The following RPTOR variants were observed in gnomAD, a reference collection of about 807,000 sequenced individuals.
The protein encoded by RPTOR is regulatory-associated protein of mTOR.
In RPTOR, 21 loss-of-function variants were observed where a neutral mutation model predicts 169.9. The ratio of observed to expected loss-of-function variants is 0.12; its 90% CI spans 0.09 to 0.18. The LOEUF is 0.18. RPTOR is among the 10% of genes least tolerant of loss of function. RPTOR has a pLI of 1.00. For missense variants in RPTOR, 1,133 were observed against 1,855.9 expected, an observed-to-expected ratio of 0.61 and a Z score of 7.16; for synonymous variants, 732 against 753.2, an observed-to-expected ratio of 0.97 and a Z score of 0.46.
Position 80,857,844 on chromosome 17 carries a change from C to T in RPTOR, c.1453C>T (p.Arg485Ter). The part of the protein sequence containing the change: ...YVLKLLQSSA[R>*]ELRPLLVFIW... Reference sequence around the variant, plus strand: ...GCTGAAGCTGCTCCAGAGCTCGGCCCGAGAGCTGCGGCCACTTCTCGTTTT... The same window carrying T: ...GCTGAAGCTGCTCCAGAGCTCGGCCTGAGAGCTGCGGCCACTTCTCGTTTT... The change falls in exon 13 of 34, where the codon CGA becomes TGA. Residue 485 changes from arginine to a stop codon, truncating the protein, a stop_gained. Transcript: ENST00000306801. LOFTEE classifies it high-confidence loss of function. 1.9e-6 allele frequency: 3 copies of T among 1,613,162 alleles called. No homozygotes were observed. Among genetic ancestry groups the T allele is most frequent in the Non-Finnish European group, 2.5e-6 (3 of 1,179,956 alleles).
At chr17:80,741,782 C>A (rs1008302902) in intron 5 of RPTOR, among the ~76,000 whole-genome samples, 7 of 152,276 alleles carry the variant, frequency 4.6e-5, no homozygotes, top group African/African-American at 1.7e-4. Context: ...TGGTGACGAG[C>A]CCCCATGTGG....
At chr17:80,556,074 C>CA (rs1292418050) in intron 1 of RPTOR, among the ~76,000 whole-genome samples, 2 of 149,510 alleles carry the variant, frequency 1.3e-5, no homozygotes, top group African/African-American at 4.9e-5. Flanking sequence ...TCCCGAGACT[C>CA]ACATGAGACA....
chr17:80,673,546 A>G lies in RPTOR; in HGVS notation c.348+29736A>G, dbSNP rs368751769. Reference sequence around the variant, plus strand: ...TTGGCCTCCAGAAAGCCAACAAGCAAAATGCCTTGAGCATCTCAAAGAGCG... The same window carrying G: ...TTGGCCTCCAGAAAGCCAACAAGCAGAATGCCTTGAGCATCTCAAAGAGCG... On this transcript the variant is annotated intron_variant, in intron 3 of 33. Coordinates refer to ENST00000306801, the MANE Select transcript of RPTOR (RefSeq NM_020761.3). Among the ~76,000 whole-genome samples, 4 of 152,350 alleles carry G rather than the reference A, an allele frequency of 2.6e-5. No individual in the cohort carries two copies. In the East Asian group the frequency reaches 5.8e-4, roughly 22 times the overall value.
chr17:80,602,859 C>T (rs1246481891), intron 1 of RPTOR: 8 of 530,072 alleles, frequency 1.5e-5, no homozygotes, highest in Non-Finnish European at 2.1e-5. Flanking sequence ...GGTGTCTTCT[C>T]GGGTCACCAC....
chr17:80,918,975 G>C (rs1048914716), intron 21 of RPTOR, among the ~76,000 whole-genome samples: 25 of 152,184 alleles, frequency 1.6e-4, no homozygotes, highest in African/African-American at 6.0e-4. Context: ...AGAACCTCCC[G>C]AGCCTTCCCA....
intron 3 of RPTOR, among the ~76,000 whole-genome samples, chr17:80,649,523 A>G (rs2065623149): frequency 6.6e-6 from 1 of 152,080 alleles, no homozygotes; most frequent in Non-Finnish European, 1.5e-5. Context: ...GTGAGGACTC[A>G]TGGGCAAAGG....
At chr17:80,810,048 A>AAAATAAAT (rs56853505) in intron 7 of RPTOR, among the ~76,000 whole-genome samples, 3,184 of 144,118 alleles carry the variant, frequency 0.022, 37 homozygotes, top group East Asian at 0.047. Flanking sequence ...ACTCCATCTC[A>AAAATAAAT]AAATAAATAA....
intron 6 of RPTOR, among the ~76,000 whole-genome samples, chr17:80,787,824 T>C (rs2067009016): frequency 6.6e-6 from 1 of 152,250 alleles, no homozygotes; most frequent in Non-Finnish European, 1.5e-5. Context: ...TTGAGATGTC[T>C]GTTCATCCAT....
chr17:80,938,067 C>A (rs2068976365), intron 24 of RPTOR, among the ~76,000 whole-genome samples: 1 of 152,266 alleles, frequency 6.6e-6, no homozygotes, highest in Non-Finnish European at 1.5e-5. Flanking sequence ...CGGCCCCTAC[C>A]CCTACAGGCA....
chr17:80,667,768 C>T (rs967843803), intron 3 of RPTOR, among the ~76,000 whole-genome samples: 8 of 152,274 alleles, frequency 5.3e-5, no homozygotes, highest in African/African-American at 1.7e-4. Context: ...TGGACTTAAG[C>T]CTGCAGAGGT....
Position 80,945,723 on chromosome 17 carries a change from G to A in RPTOR, c.3082G>A (p.Val1028Met). 3 of 1,611,966 alleles carry A rather than the reference G, an allele frequency of 1.9e-6. No individual in the cohort carries two copies. Residue 1028 changes from valine (V) to methionine (M), a missense_variant, in exon 26 of 34, where the codon GTG (valine) becomes ATG (methionine). Physicochemically the swap from Val to Met is conservative, Grantham distance 21 (BLOSUM62 1). Transcript: ENST00000306801. ...GAACAGGAACCCCGGCGTCCCCTCT[G>A]TGGTGAAATTCCACCCCTTCACGCC... ...FLNRNPGVPS[V>M]VKFHPFTPCI...
chr17:80,776,160 C>G (rs950978578), intron 6 of RPTOR, among the ~76,000 whole-genome samples: 1 of 152,086 alleles, frequency 6.6e-6, no homozygotes, highest in East Asian at 1.9e-4. Flanking sequence ...GATTGTGCCA[C>G]TGTACTCTAG....
intron 9 of RPTOR, among the ~76,000 whole-genome samples, chr17:80,837,495 G>A (rs1008515395): frequency 6.6e-6 from 1 of 152,184 alleles, no homozygotes. Flanking sequence ...TGTCTCTCCC[G>A]CGTCCCTCCA....
In RPTOR at chr17:80,880,507, C is replaced by G. The variant is rs182884901; in HGVS notation, c.1584+18C>G. 13 of 1,612,130 alleles carry G rather than the reference C, an allele frequency of 8.1e-6. No homozygotes were observed. The highest frequency in any genetic ancestry group is 1.0e-5 in the Non-Finnish European group (12 of 1,178,882). On this transcript the variant is annotated intron_variant, in intron 14 of 33. Coordinates refer to ENST00000306801, the MANE Select transcript of RPTOR (RefSeq NM_020761.3). ...ACATGCCAGTAAGGACGGGGCAGCACGCTCTCCACGGGCTTGGGACTCAGC... is the reference window on the plus strand; with the variant it reads ...ACATGCCAGTAAGGACGGGGCAGCAGGCTCTCCACGGGCTTGGGACTCAGC...
chr17:80,912,655 C>T (rs1027467998), intron 21 of RPTOR, among the ~76,000 whole-genome samples: 3 of 152,166 alleles, frequency 2.0e-5, no homozygotes, highest in East Asian at 3.8e-4. Flanking sequence ...CACAGCCCAG[C>T]GCCCTTTTGG....
chr17:80,873,734 C>G (rs2068075868), intron 13 of RPTOR, among the ~76,000 whole-genome samples: 1 of 152,214 alleles, frequency 6.6e-6, no homozygotes, highest in Non-Finnish European at 1.5e-5. Flanking sequence ...TTTCTTTGTG[C>G]AGAGATGTTT....
At chr17:80,874,765 C>T (rs566087151) in intron 13 of RPTOR, among the ~76,000 whole-genome samples, 297 of 152,322 alleles carry the variant, frequency 1.9e-3, no homozygotes, top group Non-Finnish European at 1.9e-3. Context: ...GCACAGCCCT[C>T]CATCTGCCTG....
intron 1 of RPTOR, among the ~76,000 whole-genome samples, chr17:80,552,061 A>G (rs2084352760): frequency 6.6e-6 from 1 of 152,242 alleles, no homozygotes; most frequent in Non-Finnish European, 1.5e-5. Flanking sequence ...GTCATAGATT[A>G]ACAGAATCTC....
Position 80,840,462 on chromosome 17 carries a change from G to A in RPTOR, c.1212+2465G>A, listed in dbSNP as rs373423664. On this transcript the variant is annotated intron_variant, in intron 10 of 33. Transcript: ENST00000306801. ...CACGGCAGCTCACTCTCTTTGCACC[G>A]CAGCTCACGCTCACCGCACGGCAGC... 3.1e-3 allele frequency among the ~76,000 whole-genome samples: 409 copies of A among 133,578 alleles called. 1 individual carries two copies. Among genetic ancestry groups the A allele is most frequent in the Non-Finnish European group, 5.1e-3 (331 of 65,040 alleles). 87.6% of individuals were successfully genotyped at this position (133,578 alleles called of 152,430 possible). A position where few individuals can be genotyped will look rare whatever the true frequency, so the allele number is the denominator to read the frequency against.
Sources: gnomAD v4.1 joint callset for allele counts (sites outside exome capture counted in the v4.1 genomes callset) on GRCh38, gnomAD v4.1.1 for gene constraint, MANE v1.5 for transcripts, NCBI Gene and HGNC (gene_info 2026-07-23, HGNC 2026-07-21) for gene names.